Variants in FILIP1L observed in about 807,000 individuals in gnomAD.
The protein encoded by FILIP1L is filamin A interacting protein 1 like, also known as filamin A-interacting protein 1-like.
Under a neutral mutation model 96.6 loss-of-function variants are expected in FILIP1L, and 55 were observed. That is an observed-to-expected ratio of 0.57 (90% CI 0.46 to 0.71). FILIP1L has a LOEUF of 0.71. Ranked by LOEUF, FILIP1L falls within the 30% of genes least tolerant of loss-of-function variation. FILIP1L has a pLI of 0.00. For missense variants in FILIP1L, 1,304 were observed against 1,321.2 expected (o/e 0.99, Z 0.20); for synonymous variants, 467 against 473.9 (o/e 0.99, Z 0.19).
intron 1 of FILIP1L, among the ~76,000 whole-genome samples, chr3:100,047,158 C>G (rs1375606336): frequency 6.6e-6 from 1 of 152,076 alleles, no homozygotes; most frequent in African/African-American, 2.4e-5. Context: ...CTCTGCCTAC[C>G]TTTCTAGGGT....
chr3:99,959,700 A>G (rs1349415956), intron 1 of FILIP1L, among the ~76,000 whole-genome samples: 3 of 152,184 alleles, frequency 2.0e-5, no homozygotes, highest in African/African-American at 7.2e-5. Flanking sequence ...TTTCTAACAG[A>G]CTCCAATAAA....
intron 1 of FILIP1L, among the ~76,000 whole-genome samples, chr3:99,967,566 A>G (rs1332145962): frequency 6.6e-6 from 1 of 152,264 alleles, no homozygotes; most frequent in Middle Eastern, 3.4e-3. Context: ...GTGAGTCCCT[A>G]CACCTGGATG....
intron 1 of FILIP1L, among the ~76,000 whole-genome samples, chr3:99,994,548 A>G (rs772096925): frequency 2.0e-5 from 3 of 152,234 alleles, no homozygotes; most frequent in Admixed American, 6.5e-5. Context: ...TCAGAACACA[A>G]TGGAAAAAGG....
chr3:100,017,758 CTAAAAA>C lies in FILIP1L; in HGVS notation c.-10-86734_-10-86729del, dbSNP rs576836775. ...GAGGCAACAAAGTGAGACACTGTCT[CTAAAAA>C]TAATACAAAAAAAAGAAACACTGGT... On this transcript the variant is annotated intron_variant, in intron 1 of 5. Coordinates refer to ENST00000477258, the MANE Select transcript of FILIP1L (RefSeq NM_001387850.1). 2.8e-4 allele frequency among the ~76,000 whole-genome samples: 42 copies of C among 152,018 alleles called. No individual in the cohort carries two copies. The South Asian group carries it at 6.9e-3, about 25-fold the overall frequency.
intron 3 of FILIP1L, among the ~76,000 whole-genome samples, chr3:99,926,372 G>A (rs2452320): frequency 0.27 from 40,349 of 152,208 alleles, 6,063 homozygotes; most frequent in Admixed American, 0.34. Flanking sequence ...ATTGCCTGCT[G>A]GCAGAGGCAT....
At chr3:99,893,108 A>G (rs1706137924) in intron 4 of FILIP1L, among the ~76,000 whole-genome samples, 1 of 151,044 alleles carries the variant, frequency 6.6e-6, no homozygotes, top group African/African-American at 2.4e-5. Flanking sequence ...TTTTTAGAAG[A>G]CACCTTTCTG....
At chr3:99,916,437 TACACACAC>T (rs10529210) in intron 4 of FILIP1L, among the ~76,000 whole-genome samples, 17,744 of 137,080 alleles carry the variant, frequency 0.13, 1,222 homozygotes, top group South Asian at 0.21. Flanking sequence ...TAACGGTTTA[TACACACAC>T]ACACACACAC....
intron 1 of FILIP1L, among the ~76,000 whole-genome samples, chr3:100,101,220 C>T (rs2066299323): frequency 6.6e-6 from 1 of 152,154 alleles, no homozygotes; most frequent in African/African-American, 2.4e-5. Flanking sequence ...ATCCCAGGCA[C>T]AGGTAATGTC....
chr3:100,111,636 A>G (rs2066493149), intron 1 of FILIP1L, among the ~76,000 whole-genome samples: 1 of 152,220 alleles, frequency 6.6e-6, no homozygotes, highest in African/African-American at 2.4e-5. Context: ...CAGATTAAAC[A>G]GAAAATCTTG....
intron 1 of FILIP1L, among the ~76,000 whole-genome samples, chr3:99,999,755 T>C (rs1709788627): frequency 6.6e-6 from 1 of 152,222 alleles, no homozygotes; most frequent in Non-Finnish European, 1.5e-5. Context: ...TCATGGTCTC[T>C]TGCTCAATGG....
At chr3:99,848,048 G>A (rs1943446836) in intron 5 of FILIP1L, 11 of 1,262,434 alleles carry the variant, frequency 8.7e-6, no homozygotes, top group East Asian at 3.1e-5. Flanking sequence ...TACAAGTGCA[G>A]ACTAAATATT....
intron 1 of FILIP1L, among the ~76,000 whole-genome samples, chr3:99,964,761 A>G (rs1208688300): frequency 2.0e-5 from 3 of 152,148 alleles, no homozygotes; most frequent in Non-Finnish European, 2.9e-5. Context: ...GAGGTCCCCT[A>G]GGAGACTAAT....
intron 1 of FILIP1L, among the ~76,000 whole-genome samples, chr3:100,002,048 G>A (rs1431363144): frequency 1.3e-5 from 2 of 152,116 alleles, no homozygotes; most frequent in Non-Finnish European, 2.9e-5. Context: ...CTGGTGATGC[G>A]TGTGTGACTG....
At chr3:99,878,148 T>G (rs1213765368) in intron 4 of FILIP1L, among the ~76,000 whole-genome samples, 2 of 152,228 alleles carry the variant, frequency 1.3e-5, no homozygotes, top group African/African-American at 4.8e-5. Flanking sequence ...AATGTGTTAC[T>G]CCTGAAACAT....
intron 1 of FILIP1L, among the ~76,000 whole-genome samples, chr3:100,028,912 C>T (rs1438830506): frequency 1.3e-5 from 2 of 152,302 alleles, no homozygotes; most frequent in East Asian, 3.9e-4. Flanking sequence ...AAGACACACA[C>T]ACACATATAA....
chr3:99,895,862 A>C (rs1706233659), intron 4 of FILIP1L, among the ~76,000 whole-genome samples: 1 of 152,246 alleles, frequency 6.6e-6, no homozygotes, highest in Non-Finnish European at 1.5e-5. Flanking sequence ...TCTAGCAGTG[A>C]TTGCTAGAAA....
At chr3:99,956,624 G>T (rs948686312) in intron 1 of FILIP1L, among the ~76,000 whole-genome samples, 1 of 152,216 alleles carries the variant, frequency 6.6e-6, no homozygotes, top group African/African-American at 2.4e-5. Context: ...TGGGATTAAA[G>T]GCGTGAGCCC....
chr3:99,905,265 A>G (rs1384462083), intron 4 of FILIP1L, among the ~76,000 whole-genome samples: 1 of 152,040 alleles, frequency 6.6e-6, no homozygotes, highest in African/African-American at 2.4e-5. Context: ...GAAACTCCCA[A>G]ATTTTTACCT....
intron 4 of FILIP1L, among the ~76,000 whole-genome samples, chr3:99,908,763 G>T (rs1706700376): frequency 6.6e-6 from 1 of 152,118 alleles, no homozygotes; most frequent in African/African-American, 2.4e-5. Context: ...TTAATTAAAT[G>T]TAATTGTTAT....
Sources: allele counts gnomAD v4.1 joint callset (sites outside exome capture counted in the v4.1 genomes callset), GRCh38; gene constraint gnomAD v4.1.1; transcripts MANE v1.5; gene names NCBI Gene and HGNC (gene_info 2026-07-23, HGNC 2026-07-21).